OTUD7A: variants seen among roughly 807,000 people sequenced by gnomAD.
OTUD7A encodes OTU domain-containing protein 7A.
In OTUD7A, 12 loss-of-function variants were observed where a neutral mutation model predicts 65.7. The ratio of observed to expected loss-of-function variants is 0.18; its 90% CI spans 0.12 to 0.30. OTUD7A has a LOEUF of 0.30. Ranked by LOEUF, OTUD7A falls within the 10% of genes least tolerant of loss-of-function variation. The probability of loss-of-function intolerance (pLI) is 1.00; values close to 1 mark genes in which losing one functional copy is unlikely to be tolerated. For synonymous variants in OTUD7A, 641 were observed against 586.3 expected, an observed-to-expected ratio of 1.09 and a Z score of -1.35; for missense variants, 1,148 against 1,304.8, an observed-to-expected ratio of 0.88 and a Z score of 1.85.
intron 4 of OTUD7A, among the ~76,000 whole-genome samples, chr15:31,562,478 A>G (rs1408592002): frequency 6.6e-6 from 1 of 151,966 alleles, no homozygotes; most frequent in Admixed American, 6.5e-5. Flanking sequence ...TTCCCATAGA[A>G]ACCACCTCAA....
chr15:31,725,420 T>C (rs1481079173), intron 1 of OTUD7A, among the ~76,000 whole-genome samples: 1 of 152,170 alleles, frequency 6.6e-6, no homozygotes, highest in Non-Finnish European at 1.5e-5. Context: ...CCCATGGGTC[T>C]CCAGACTCAA....
chr15:31,827,689 G>A (rs566824525), intron 1 of OTUD7A, among the ~76,000 whole-genome samples: 2 of 152,262 alleles, frequency 1.3e-5, no homozygotes, highest in Middle Eastern at 3.4e-3. Flanking sequence ...CACTTTGGGA[G>A]GCTGAGATGG....
Position 31,570,200 on chromosome 15 carries a change from G to A in OTUD7A, c.152-3C>T, listed in dbSNP as rs555517912. 48 of 1,613,776 alleles carry A rather than the reference G, an allele frequency of 3.0e-5. No homozygotes were observed. In the Middle Eastern group the frequency reaches 6.6e-4, roughly 22 times the overall value. ...GGCTGTCAGGTCCCAGTTTTTGCCT[G>A]TGGACAAGAAATGACAAGAGGTGAC... On this transcript the variant is annotated splice_region_variant and splice_polypyrimidine_tract_variant and intron_variant, in intron 3 of 12. Coordinates refer to ENST00000307050, the MANE Select transcript of OTUD7A (RefSeq NM_001382637.1).
rs769956404 is a variant in OTUD7A, at chr15:31,484,776, C to T, written c.1372-52G>A. 7 of 1,561,334 alleles carry T rather than the reference C, an allele frequency of 4.5e-6. No homozygotes were observed. Among genetic ancestry groups the T allele is most frequent in the South Asian group, 3.5e-5 (3 of 86,150 alleles). On this transcript the variant is annotated intron_variant, in intron 12 of 12. Transcript: ENST00000307050. The surrounding 1 kb of genome is among the most constrained non-coding windows in gnomAD (Gnocchi z 4.5). ...AAGGTGGTTAGAGAAGAGCTGTCCA[C>T]GCGCCAGCGAGGAAGACACACCTTG...
chr15:31,630,977 G>A (rs1891129637), intron 3 of OTUD7A, among the ~76,000 whole-genome samples: 1 of 152,226 alleles, frequency 6.6e-6, no homozygotes, highest in Non-Finnish European at 1.5e-5. Flanking sequence ...GAGCCTATGT[G>A]TGTCTCTGCA....
At chr15:31,654,745 G>A (rs1400043761) in intron 3 of OTUD7A, among the ~76,000 whole-genome samples, 3 of 152,144 alleles carry the variant, frequency 2.0e-5, no homozygotes, top group Non-Finnish European at 4.4e-5. Context: ...GGAGGATGAA[G>A]GCTGTCTTCT....
chr15:31,767,932 T>C, intron 1 of OTUD7A: 1 of 1,542,268 alleles, frequency 6.5e-7, no homozygotes, highest in Non-Finnish European at 9.0e-7. Flanking sequence ...CATTTTCTGA[T>C]CCCCACCTCC....
chr15:31,861,179 T>C (rs992907318), intron 1 of OTUD7A, among the ~76,000 whole-genome samples: 2 of 152,096 alleles, frequency 1.3e-5, no homozygotes, highest in Non-Finnish European at 2.9e-5. Flanking sequence ...AGTAGGCAGC[T>C]GCGGTTCTTC....
chr15:31,552,299 T>A lies in OTUD7A; in HGVS notation c.550+6670A>T, dbSNP rs533087602. ...TTTATAAATTACCTGGTCTCAGGTA[T>A]CCCTTTAAAGCAATGCAAATGGGCT... is the stretch of plus-strand genomic sequence containing the variant. On this transcript the variant is annotated intron_variant, in intron 5 of 12. Transcript: ENST00000307050. Among the ~76,000 whole-genome samples, 18 of 152,270 alleles carry A rather than the reference T, an allele frequency of 1.2e-4. No homozygotes were observed. The South Asian group carries it at 2.3e-3, about 19-fold the overall frequency.
chr15:31,775,454 G>C (rs1895351947), intron 1 of OTUD7A, among the ~76,000 whole-genome samples: 1 of 152,224 alleles, frequency 6.6e-6, no homozygotes, highest in Non-Finnish European at 1.5e-5. Context: ...TTATGAGTCT[G>C]TAAGTGCTGT....
intron 3 of OTUD7A, among the ~76,000 whole-genome samples, chr15:31,637,566 C>T (rs1290335115): frequency 3.3e-5 from 5 of 152,162 alleles, no homozygotes; most frequent in Non-Finnish European, 7.3e-5. Flanking sequence ...TTAAGAAATA[C>T]ATTTTATAAG....
At chr15:31,722,534 A>G (rs1893769104) in intron 1 of OTUD7A, among the ~76,000 whole-genome samples, 3 of 152,232 alleles carry the variant, frequency 2.0e-5, no homozygotes, top group Admixed American at 2.0e-4. Flanking sequence ...GCATGGAGTG[A>G]CAGTTTGCAT....
In OTUD7A at chr15:31,495,011, G is replaced by A. The variant is rs1046150024; in HGVS notation, c.1171+6679C>T. Among the ~76,000 whole-genome samples the A allele has an allele frequency of 2.3e-4, 35 of 152,326 alleles. 1 individual carries two copies. Among genetic ancestry groups the A allele is most frequent in the Admixed American group, 2.2e-3 (33 of 15,310 alleles). ...TCAGGGGCGATGGTGGCTGGTATGC[G>A]CTTCCTGTGGGCATGGACGTCTTGG... On this transcript the variant is annotated intron_variant, in intron 10 of 12. Transcript: ENST00000307050.
At chr15:31,759,041 G>A (rs1201675071) in intron 1 of OTUD7A, among the ~76,000 whole-genome samples, 1 of 152,072 alleles carries the variant, frequency 6.6e-6, no homozygotes, top group Non-Finnish European at 1.5e-5. Flanking sequence ...TCCTCTCGTG[G>A]GTTGTCAATC....
intron 1 of OTUD7A, among the ~76,000 whole-genome samples, chr15:31,842,808 C>T (rs1175601099): frequency 1.3e-5 from 2 of 152,088 alleles, no homozygotes; most frequent in African/African-American, 4.8e-5. Flanking sequence ...CATAGTAGAA[C>T]AGAAGAAAAT....
At chr15:31,851,971 G>T in intron 1 of OTUD7A, among the ~76,000 whole-genome samples, 1 of 152,178 alleles carries the variant, frequency 6.6e-6, no homozygotes, top group Non-Finnish European at 1.5e-5. Flanking sequence ...AGATTCTCCT[G>T]CCTCAGCCTC....
intron 8 of OTUD7A, among the ~76,000 whole-genome samples, chr15:31,513,544 C>T (rs2041794438): frequency 6.6e-6 from 1 of 152,246 alleles, no homozygotes; most frequent in Non-Finnish European, 1.5e-5. Flanking sequence ...ATATCCTTGA[C>T]TTCCATGACC....
chr15:31,677,277 G>A (rs1006098883), intron 1 of OTUD7A, among the ~76,000 whole-genome samples: 55 of 152,292 alleles, frequency 3.6e-4, no homozygotes, highest in African/African-American at 1.3e-3. Flanking sequence ...GTCTCTATCA[G>A]GCTGGCACAT....
At chr15:31,810,567 G>A (rs1896391673) in intron 1 of OTUD7A, among the ~76,000 whole-genome samples, 1 of 152,166 alleles carries the variant, frequency 6.6e-6, no homozygotes, top group South Asian at 2.1e-4. Flanking sequence ...GCCCTCACCA[G>A]AAACTAGCCC....
Sources: allele counts gnomAD v4.1 joint callset (sites outside exome capture counted in the v4.1 genomes callset), GRCh38; gene constraint gnomAD v4.1.1; non-coding constraint Gnocchi (gnomAD v3.1); transcripts MANE v1.5; gene names NCBI Gene and HGNC (gene_info 2026-07-23, HGNC 2026-07-21).